CFAP54: variants seen among roughly 807,000 people sequenced by gnomAD.
CFAP54 encodes the protein cilia and flagella associated protein 54.
Under a neutral mutation model 370.4 loss-of-function variants are expected in CFAP54, and 290 were observed. That is an observed-to-expected ratio of 0.78 (90% CI 0.71 to 0.86). The LOEUF is 0.86. Among genes scored for constraint, CFAP54 ranks in the 40% least tolerant of loss-of-function variants. The pLI is 0.00. For missense variants in CFAP54, 3,399 were observed against 3,528.7 expected (o/e 0.96, Z 0.93); for synonymous variants, 1,206 against 1,236.5 (o/e 0.98, Z 0.52).
intron 67 of CFAP54, among the ~76,000 whole-genome samples, chr12:96,870,316 T>C (rs1177723378): frequency 6.6e-6 from 1 of 152,116 alleles, no homozygotes; most frequent in Non-Finnish European, 1.5e-5. Context: ...TAAAAGTTAC[T>C]TAGTTGAATT....
Position 96,653,593 on chromosome 12 carries a change from G to A in CFAP54, c.5100+1778G>A, listed in dbSNP as rs555047200. The stretch of plus-strand genomic sequence containing the variant: ...GAAACTAATAATAACACATCAAAAT[G>A]TATGGCATTCAAATGAAGCAGGGCA... On this transcript the variant is annotated intron_variant, in intron 36 of 67. Transcript: ENST00000524981. 2.0e-4 allele frequency among the ~76,000 whole-genome samples: 30 copies of A among 152,190 alleles called. No homozygotes were observed. In the South Asian group the frequency reaches 2.7e-3, roughly 14 times the overall value.
intron 66 of CFAP54, among the ~76,000 whole-genome samples, chr12:96,835,853 C>G (rs538089647): frequency 6.6e-6 from 1 of 152,172 alleles, no homozygotes; most frequent in Non-Finnish European, 1.5e-5. Context: ...CCCAGCCATG[C>G]CTTCCTGCTG....
intron 50 of CFAP54, among the ~76,000 whole-genome samples, chr12:96,733,478 G>A (rs1957945225): frequency 6.6e-6 from 1 of 151,354 alleles, no homozygotes; most frequent in Non-Finnish European, 1.5e-5. Flanking sequence ...AAATAAATGG[G>A]ATCAAAGTTA....
At chr12:96,495,238 C>CCCCT in intron 1 of CFAP54, among the ~76,000 whole-genome samples, 1 of 133,096 alleles carries the variant, frequency 7.5e-6, no homozygotes, top group Non-Finnish European at 1.6e-5. Flanking sequence ...CTTTTCTTTT[C>CCCCT]TCCTTCCTTC....
chr12:96,742,035 G>A (rs1161077744), intron 51 of CFAP54, among the ~76,000 whole-genome samples: 1 of 152,156 alleles, frequency 6.6e-6, no homozygotes, highest in Non-Finnish European at 1.5e-5. Context: ...GTGTAGCACA[G>A]TACCTGACAC....
At chr12:96,809,771 C>T (rs946191811) in intron 63 of CFAP54, among the ~76,000 whole-genome samples, 1 of 152,126 alleles carries the variant, frequency 6.6e-6, no homozygotes, top group Non-Finnish European at 1.5e-5. Flanking sequence ...GCAGTAGTTT[C>T]ACTGGAGGAT....
In CFAP54 at chr12:96,513,035, GTCT is replaced by G. The variant is rs1955190251; in HGVS notation, c.792_794del (p.Ser265del). ...GCAGAAAACTGATGGTCATAGGTCA[GTCT>G]TCCAAGGTATGAAATGTACTGACAA... On this transcript the variant is annotated inframe_deletion, in exon 5 of 68. Coordinates refer to ENST00000524981, the MANE Select transcript of CFAP54 (RefSeq NM_001306084.2). 1 of 1,509,324 alleles carries G rather than the reference GTCT, an allele frequency of 6.6e-7. No individual in the cohort carries two copies. Among genetic ancestry groups the G allele is most frequent in the African/African-American group, 1.4e-5 (1 of 72,158 alleles). 93.5% of individuals were successfully genotyped at this position (1,509,324 alleles called of 1,614,324 possible).
chr12:96,708,504 A>G (rs1957570272), intron 47 of CFAP54, 104 bp from the exon 48 acceptor site: 10 of 932,660 alleles, frequency 1.1e-5, no homozygotes, highest in South Asian at 6.9e-5. Flanking sequence ...CCAGCCCTAT[A>G]TCCCTTCATC....
chr12:96,865,354 A>C (rs1959975944), intron 67 of CFAP54, among the ~76,000 whole-genome samples: 1 of 152,230 alleles, frequency 6.6e-6, no homozygotes, highest in Non-Finnish European at 1.5e-5. Flanking sequence ...CAGGTTTAGC[A>C]AAAGAAAATC....
intron 14 of CFAP54, among the ~76,000 whole-genome samples, chr12:96,544,826 A>G (rs1955620333): frequency 6.6e-6 from 1 of 151,928 alleles, no homozygotes; most frequent in Admixed American, 6.6e-5. Flanking sequence ...TTTCTTACTC[A>G]CGGAGACTTT....
chr12:96,674,954 T>G (rs1957188893), intron 39 of CFAP54, among the ~76,000 whole-genome samples: 1 of 152,196 alleles, frequency 6.6e-6, no homozygotes. Flanking sequence ...GATTAAAGAC[T>G]TAAATTTTAG....
intron 36 of CFAP54, among the ~76,000 whole-genome samples, chr12:96,654,316 T>A (rs1010271244): frequency 2.0e-5 from 3 of 151,912 alleles, no homozygotes; most frequent in Non-Finnish European, 4.4e-5. Context: ...CCTGGCTAAC[T>A]CGGTGAAACC....
chr12:96,547,564 G>A (rs551099744), intron 14 of CFAP54, among the ~76,000 whole-genome samples: 7 of 152,008 alleles, frequency 4.6e-5, no homozygotes, highest in Middle Eastern at 3.4e-3. Flanking sequence ...GGTTTGTTAC[G>A]TTACAAGATT....
intron 42 of CFAP54, among the ~76,000 whole-genome samples, chr12:96,686,416 A>C (rs1483737992): frequency 6.6e-6 from 1 of 152,176 alleles, no homozygotes; most frequent in Non-Finnish European, 1.5e-5. Context: ...AATACCCAAG[A>C]CTGAGTAATT....
intron 26 of CFAP54, among the ~76,000 whole-genome samples, chr12:96,612,296 T>C (rs1386436898): frequency 6.7e-6 from 1 of 150,244 alleles, no homozygotes; most frequent in Non-Finnish European, 1.5e-5. Flanking sequence ...CTAAGCTTCA[T>C]AAGTGAAGGA....
At chr12:96,562,428 CTTTTTTTTTT>C (rs200487420) in intron 17 of CFAP54, among the ~76,000 whole-genome samples, 12 of 115,094 alleles carry the variant, frequency 1.0e-4, no homozygotes, top group African/African-American at 3.9e-4. Flanking sequence ...TATTTGCATT[CTTTTTTTTTT>C]TTTTTTTTAA....
chr12:96,797,122 C>G (rs771509125), intron 63 of CFAP54, among the ~76,000 whole-genome samples: 4 of 152,050 alleles, frequency 2.6e-5, no homozygotes, highest in Non-Finnish European at 5.9e-5. Context: ...TTCTAAAATT[C>G]CAAACTATGT....
intron 19 of CFAP54, among the ~76,000 whole-genome samples, chr12:96,567,517 G>T (rs975829768): frequency 2.0e-5 from 3 of 152,118 alleles, no homozygotes; most frequent in Non-Finnish European, 4.4e-5. Context: ...GTCTTTGCTG[G>T]AAGACTTCGG....
intron 23 of CFAP54, among the ~76,000 whole-genome samples, chr12:96,591,899 A>G (rs1197514131): frequency 7.0e-6 from 1 of 143,190 alleles, no homozygotes; most frequent in Admixed American, 7.1e-5. Flanking sequence ...TCAAAAAAAA[A>G]AAAAAGAAAT....
Sources: gnomAD v4.1 joint callset for allele counts (sites outside exome capture counted in the v4.1 genomes callset) on GRCh38, gnomAD v4.1.1 for gene constraint, MANE v1.5 for transcripts, NCBI Gene and HGNC (gene_info 2026-07-23, HGNC 2026-07-21) for gene names.